The following TRIM8 variants were observed in gnomAD, a reference collection of about 807,000 sequenced individuals.
TRIM8 encodes the protein tripartite motif containing 8, also known as E3 ubiquitin-protein ligase TRIM8.
TRIM8 carries 9 observed loss-of-function variants against 55.7 expected under a neutral mutation model. That is an observed-to-expected ratio of 0.16 (90% CI 0.10 to 0.28). The LOEUF is 0.28. Ranked by LOEUF, TRIM8 falls within the 10% of genes least tolerant of loss-of-function variation. The pLI is 1.00. For missense variants in TRIM8, 556 were observed against 736.4 expected (o/e 0.76, Z 2.83); for synonymous variants, 335 against 333.3 (o/e 1.01, Z -0.06).
rs534796647 is a variant in TRIM8 at position 102,646,180 on chromosome 10, G to C, written c.570+993G>C. On this transcript the variant is annotated intron_variant, in intron 1 of 5. Coordinates refer to ENST00000643721, the MANE Select transcript of TRIM8 (RefSeq NM_030912.3). Reference sequence around the variant, plus strand: ...GGCAATACTTCCGTCCCCTTCAGTGGAGGGGGCTCCTCCTAGGTCCCTCCC... The same window carrying C: ...GGCAATACTTCCGTCCCCTTCAGTGCAGGGGGCTCCTCCTAGGTCCCTCCC... 2.0e-5 allele frequency among the ~76,000 whole-genome samples: 3 copies of C among 152,328 alleles called. No individual in the cohort carries two copies. The East Asian group carries it at 5.8e-4, about 29-fold the overall frequency.
intron 1 of TRIM8, among the ~76,000 whole-genome samples, chr10:102,646,480 T>G (rs529490433): frequency 2.0e-4 from 31 of 152,294 alleles, no homozygotes; most frequent in African/African-American, 6.5e-4. Context: ...AATGAGTCAC[T>G]GTTTAGCAAT....
intron 1 of TRIM8, chr10:102,645,488 T>G: frequency 3.6e-6 from 1 of 279,152 alleles, no homozygotes; most frequent in Non-Finnish European, 6.7e-6. Flanking sequence ...GGTGCGCAGC[T>G]CCCTCCCCCA....
Position 102,656,858 on chromosome 10 carries a change from G to A in TRIM8, c.1160G>A (p.Ser387Asn). The stretch of plus-strand genomic sequence containing the variant: ...CACTCAACGGCCTTCCCAGAGGCCA[G>A]TTTCCTAGAGACGTCGTCGGGCCCT... ...RKHSTAFPEA[S>N]FLETSSGPVG... The change falls in exon 6 of 6, where the codon AGT (serine) becomes AAT (asparagine). Residue 387 changes from serine (S) to asparagine (N), a missense_variant. Around this residue, in one of 2 missense-constraint regions of TRIM8, gnomAD observed 391 missense variants for 441.0 expected, o/e 0.89. Transcript: ENST00000643721. The surrounding 1 kb of genome is among the most constrained non-coding windows in gnomAD (Gnocchi z 4.6). 6.4e-7 allele frequency: 1 copy of A among 1,560,182 alleles called. No individual in the cohort carries two copies. Among genetic ancestry groups the A allele is most frequent in the South Asian group, 1.2e-5 (1 of 82,412 alleles).
Position 102,645,026 on chromosome 10 carries a change from G to C in TRIM8, c.409G>C (p.Ala137Pro). 1.9e-6 allele frequency: 3 copies of C among 1,594,336 alleles called. No individual in the cohort carries two copies. Among genetic ancestry groups the C allele is most frequent in the Middle Eastern group, 1.7e-4 (1 of 5,990 alleles). Residue 137 changes from alanine (A) to proline (P), a missense_variant, in exon 1 of 6, where the codon GCG (alanine) becomes CCG (proline). Around this residue, in one of 2 missense-constraint regions of TRIM8, gnomAD observed 165 missense variants for 295.3 expected, o/e 0.56. Coordinates refer to ENST00000643721, the MANE Select transcript of TRIM8 (RefSeq NM_030912.3). ...CGCCCGCGGGCACCTCCTGGTGGAG[G>C]CGGACGACGTGCGGGCCTGGAGCTG... ...STARGHLLVE[A>P]DDVRAWSCPQ... is the part of the protein sequence containing the mutation.
chr10:102,656,523 T>C lies in TRIM8; in HGVS notation c.1048+138T>C. 1 of 1,389,510 alleles carries C rather than the reference T, an allele frequency of 7.2e-7. No homozygotes were observed. Among genetic ancestry groups the C allele is most frequent in the Admixed American group, 2.5e-5 (1 of 39,658 alleles). 86.1% of individuals were successfully genotyped at this position (1,389,510 alleles called of 1,614,324 possible). On this transcript the variant is annotated intron_variant, in intron 5 of 5. Transcript: ENST00000643721. This position sits in a 1 kb window ranked among gnomAD's most constrained non-coding sequence, Gnocchi z 4.6. The stretch of plus-strand genomic sequence containing the variant: ...ATCCAGGCTTTGCCACTTGTAGCTG[T>C]GGGACAGTGGGTAAGCAACATGACC...
intron 1 of TRIM8, among the ~76,000 whole-genome samples, chr10:102,647,687 C>T (rs889155483): frequency 1.3e-5 from 2 of 152,068 alleles, no homozygotes; most frequent in African/African-American, 2.4e-5. Flanking sequence ...GTGTTGTGGG[C>T]GAGGGCCACA....
chr10:102,655,670 G>C (rs974271055), intron 3 of TRIM8, among the ~76,000 whole-genome samples: 3 of 152,218 alleles, frequency 2.0e-5, no homozygotes, highest in African/African-American at 7.2e-5. Flanking sequence ...TGCTTAGTAT[G>C]AAAATTCAAA....
chr10:102,653,464 C>G (rs961445695), intron 1 of TRIM8: 17 of 152,544 alleles, frequency 1.1e-4, no homozygotes, highest in African/African-American at 3.9e-4. Flanking sequence ...GTTGATAGGA[C>G]GGAGTCACGG....
At chr10:102,653,604 G>C (rs1229667832) in intron 1 of TRIM8, 1 of 152,526 alleles carries the variant, frequency 6.6e-6, no homozygotes, top group East Asian at 1.9e-4. Flanking sequence ...AGAGCACTTT[G>C]GTCCAGCACC....
chr10:102,651,404 G>A (rs2063983765), intron 1 of TRIM8, among the ~76,000 whole-genome samples: 1 of 152,206 alleles, frequency 6.6e-6, no homozygotes, highest in African/African-American at 2.4e-5. Flanking sequence ...CACTCCCTGG[G>A]CATCAGCAAG....
rs572871118 is a variant in TRIM8, at chr10:102,655,023, A to G, written c.667-57A>G. The G allele has an allele frequency of 9.0e-5, 143 of 1,586,198 alleles. 2 individuals carry two copies. The South Asian group carries it at 1.2e-3, about 13-fold the overall frequency. On this transcript the variant is annotated intron_variant, in intron 2 of 5. Coordinates refer to ENST00000643721, the MANE Select transcript of TRIM8 (RefSeq NM_030912.3). ...GATGTGAGAAGGGTAAGAGGGGGGGAAACCAAAGGTTTCCAGTGCTTACCT... is the reference window on the plus strand; with the variant it reads ...GATGTGAGAAGGGTAAGAGGGGGGGGAACCAAAGGTTTCCAGTGCTTACCT...
At position 102,644,894 on chromosome 10, in the gene TRIM8, G is replaced by A; in HGVS notation, c.277G>A (p.Val93Met). ...GAAGCCGCCGGCGGCGCTGCACTGC[G>A]TGTTCTGCCGCCGCGGCCCCCCGCT... Reference protein sequence around the residue: ...VEKPPAALHCVFCRRGPPLPA... With the variant: ...VEKPPAALHCMFCRRGPPLPA... Residue 93 changes from valine to methionine, a missense_variant, in exon 1 of 6, where the codon GTG (valine) becomes ATG (methionine). Physicochemically the swap from Val to Met is conservative, Grantham distance 21. This residue lies in a region of TRIM8 where 165 missense variants were observed against 295.3 expected (regional missense o/e 0.56). Transcript: ENST00000643721. 6.2e-7 allele frequency: 1 copy of A among 1,609,838 alleles called. No homozygotes were observed. The highest frequency in any genetic ancestry group is 8.5e-7 in the Non-Finnish European group (1 of 1,178,486).
Position 102,645,128 on chromosome 10 carries a change from AGCG to A in TRIM8, c.515_517del (p.Gly172del). On this transcript the variant is annotated inframe_deletion, in exon 1 of 6. Coordinates refer to ENST00000643721, the MANE Select transcript of TRIM8 (RefSeq NM_030912.3). ...CGTGTGCCAGTACTGCTGCTACTAC[AGCG>A]GCGCGCATCAGGGACACTCGGTGTG... 1 of 1,585,820 alleles carries A rather than the reference AGCG, an allele frequency of 6.3e-7. No homozygotes were observed. The highest frequency in any genetic ancestry group is 8.5e-7 in the Non-Finnish European group (1 of 1,173,904).
In TRIM8 at chr10:102,657,042, T is replaced by C. The variant is rs1236642272; in HGVS notation, c.1344T>C (p.Asn448=). The C allele has an allele frequency of 6.2e-7, 1 of 1,613,120 alleles. No individual in the cohort carries two copies. Among genetic ancestry groups the C allele is most frequent in the South Asian group, 1.1e-5 (1 of 91,082 alleles). Reference sequence around the variant, plus strand: ...TGTTCCCCCCATCGCAGTATCCCAATGGCTCCGCCGCCCAGCAGCCCATGC... The same window carrying C: ...TGTTCCCCCCATCGCAGTATCCCAACGGCTCCGCCGCCCAGCAGCCCATGC... ...SPVFPPSQYP[N]GSAAQQPMLP... Residue 448 remains asparagine (N), a synonymous_variant, in exon 6 of 6, where the codon AAT becomes AAC. Coordinates refer to ENST00000643721, the MANE Select transcript of TRIM8 (RefSeq NM_030912.3).
chr10:102,656,053 GCTCTCCCTGGA>G lies in TRIM8; in HGVS notation c.901-50_901-40del, dbSNP rs3217079. 467,421 of 1,609,534 alleles carry G rather than the reference GCTCTCCCTGGA, an allele frequency of 0.29. 70,405 individuals carry two copies. Among genetic ancestry groups the G allele is most frequent in the African/African-American group, 0.39 (28,863 of 74,836 alleles). On this transcript the variant is annotated intron_variant, in intron 3 of 5. Coordinates refer to ENST00000643721, the MANE Select transcript of TRIM8 (RefSeq NM_030912.3). The surrounding 1 kb of genome is among the most constrained non-coding windows in gnomAD (Gnocchi z 4.6). The stretch of plus-strand genomic sequence containing the variant: ...AGCTTTTGTCTTCCCCTCTCCCCGG[GCTCTCCCTGGA>G]CTGCCTTTTCCACTGACTTGACTCT...
rs1409216042 is a variant in TRIM8, at chr10:102,644,595, C to T, written c.-23C>T. 6.2e-7 allele frequency: 1 copy of T among 1,606,320 alleles called. No individual in the cohort carries two copies. Among genetic ancestry groups the T allele is most frequent in the Middle Eastern group, 1.9e-4 (1 of 5,402 alleles). ...GGCTGGGGAGTCGGGGAGGCCTGCC[C>T]CGGCCCCCTGCCCGCGGCCGCCATG... is the stretch of plus-strand genomic sequence containing the variant. On this transcript the variant is annotated 5_prime_UTR_variant, in exon 1 of 6. Transcript: ENST00000643721.
Position 102,658,256 on chromosome 10 carries a change from C to T in TRIM8, c.*902C>T, listed in dbSNP as rs1482987767. ...TGTTCTCAAGGCGCAGGTATTTATT[C>T]TGTATCTGTCTAGAGCACACACCAA... On this transcript the variant is annotated 3_prime_UTR_variant, in exon 6 of 6. Transcript: ENST00000643721. 1 of 152,202 alleles carries T rather than the reference C, an allele frequency of 6.6e-6. No homozygotes were observed. The highest frequency in any genetic ancestry group is 2.4e-5 in the African/African-American group (1 of 41,430). 9.4% of individuals were successfully genotyped at this position (152,202 alleles called of 1,614,324 possible).
rs1208116933 is a variant in TRIM8 at position 102,645,152 on chromosome 10, G to A, written c.535G>A (p.Val179Met). 2.6e-6 allele frequency: 4 copies of A among 1,565,706 alleles called. No individual in the cohort carries two copies. Among genetic ancestry groups the A allele is most frequent in the Non-Finnish European group, 3.4e-6 (4 of 1,163,778 alleles). ...CAGCGGCGCGCATCAGGGACACTCG[G>A]TGTGCGACGTGGAGATCCGAAGGAA... ...YYSGAHQGHSVCDVEIRRNEI... is the reference protein window; with the variant it reads ...YYSGAHQGHSMCDVEIRRNEI... The change falls in exon 1 of 6, where the codon GTG becomes ATG. Residue 179 changes from valine (V) to methionine (M), a missense_variant. Val to Met is a conservative substitution (Grantham distance 21, BLOSUM62 1). Transcript: ENST00000643721.
chr10:102,656,881 C>T lies in TRIM8; in HGVS notation c.1183C>T (p.Pro395Ser). ...EASFLETSSG[P>S]VGGQYGAAGT... is the part of the protein sequence containing the mutation. Reference sequence around the variant, plus strand: ...CAGTTTCCTAGAGACGTCGTCGGGCCCTGTGGGCGGCCAGTACGGGGCGGC... The same window carrying T: ...CAGTTTCCTAGAGACGTCGTCGGGCTCTGTGGGCGGCCAGTACGGGGCGGC... Residue 395 changes from proline (P) to serine (S), a missense_variant, in exon 6 of 6, where the codon CCT (proline) becomes TCT (serine). By Grantham distance (74) the Pro-to-Ser change is moderately conservative. This residue lies in a region of TRIM8 where 391 missense variants were observed against 441.0 expected (regional missense o/e 0.89). Transcript: ENST00000643721. The surrounding 1 kb of genome is among the most constrained non-coding windows in gnomAD (Gnocchi z 4.6). 1 of 1,577,248 alleles carries T rather than the reference C, an allele frequency of 6.3e-7. No homozygotes were observed. Among genetic ancestry groups the T allele is most frequent in the Non-Finnish European group, 8.6e-7 (1 of 1,162,680 alleles).
Sources: allele counts gnomAD v4.1 joint callset (sites outside exome capture counted in the v4.1 genomes callset), GRCh38; gene constraint gnomAD v4.1.1; regional missense constraint gnomAD v4.1.1; non-coding constraint Gnocchi (gnomAD v3.1); transcripts MANE v1.5; gene names NCBI Gene and HGNC (gene_info 2026-07-23, HGNC 2026-07-21).